Variants in YY1AP1 observed in about 807,000 individuals in gnomAD.
The protein encoded by YY1AP1 is YY1 associated protein 1.
YY1AP1 carries 43 observed loss-of-function variants against 39.9 expected under a neutral mutation model. The observed-to-expected ratio is 1.08, with a 90% CI of 0.84 to 1.39. The LOEUF is 1.39. Ranked by LOEUF, YY1AP1 falls within the 40% of genes most tolerant of loss-of-function variation. The pLI is 0.00. For missense variants in YY1AP1, 813 were observed against 900.7 expected, an observed-to-expected ratio of 0.90 and a Z score of 1.25; for synonymous variants, 292 against 331.3, an observed-to-expected ratio of 0.88 and a Z score of 1.29.
intron 9 of YY1AP1, among the ~76,000 whole-genome samples, chr1:155,662,340 A>G (rs1374263608): frequency 6.6e-6 from 1 of 151,676 alleles, no homozygotes; most frequent in Non-Finnish European, 1.5e-5. Context: ...AAAATACAAA[A>G]ATTAGCTGGG....
In YY1AP1 at chr1:155,688,765, C is replaced by G; in HGVS notation, c.-258G>C. 2 of 1,529,116 alleles carry G rather than the reference C, an allele frequency of 1.3e-6. No homozygotes were observed. The highest frequency in any genetic ancestry group is 1.8e-6 in the Non-Finnish European group (2 of 1,142,100). The allele number at this position is 1,529,116 out of a possible 1,614,324, so 94.7% of individuals were successfully genotyped here. ...CGCCAAAGCAGCCGCCGCCAGCACCCCCACCCTACACTCCTCGCGCGTGCG... is the reference window on the plus strand; with the variant it reads ...CGCCAAAGCAGCCGCCGCCAGCACCGCCACCCTACACTCCTCGCGCGTGCG... On this transcript the variant is annotated 5_prime_UTR_variant, in exon 1 of 11. Transcript: ENST00000355499.
intron 2 of YY1AP1, among the ~76,000 whole-genome samples, chr1:155,684,533 T>A (rs1651951095): frequency 6.6e-6 from 1 of 151,926 alleles, no homozygotes; most frequent in African/African-American, 2.4e-5. Context: ...CTGAATCCTA[T>A]AATCTGTCCT....
chr1:155,664,048 C>T, intron 9 of YY1AP1, among the ~76,000 whole-genome samples: 1 of 148,822 alleles, frequency 6.7e-6, no homozygotes, highest in East Asian at 2.0e-4. Flanking sequence ...CATAGTGGTG[C>T]ACACCGGGTT....
chr1:155,664,931 G>T (rs556812776), intron 9 of YY1AP1, among the ~76,000 whole-genome samples: 1 of 151,582 alleles, frequency 6.6e-6, no homozygotes, highest in South Asian at 2.1e-4. Context: ...CACCACACCC[G>T]GCTAATTTTT....
Position 155,688,248 on chromosome 1 carries a change from G to A in YY1AP1, c.-151-47C>T, listed in dbSNP as rs1309640231. On this transcript the variant is annotated intron_variant, in intron 1 of 10. Coordinates refer to ENST00000355499, the MANE Select transcript of YY1AP1 (RefSeq NM_139119.3). ...AGAAGGGAAAGGTGGAGGGCTAAAG[G>A]GGCAAACTGAGAGGAGGCGGATCCC... The A allele has an allele frequency of 5.6e-6, 9 of 1,609,066 alleles. No homozygotes were observed. The Admixed American group carries it at 8.5e-5, about 15-fold the overall frequency.
At chr1:155,685,404 C>T (rs1344660435) in intron 2 of YY1AP1, among the ~76,000 whole-genome samples, 1 of 152,176 alleles carries the variant, frequency 6.6e-6, no homozygotes, top group African/African-American at 2.4e-5. Context: ...ATAGGATTAA[C>T]TCAGTGTTTG....
intron 7 of YY1AP1, chr1:155,670,777 C>A (rs1231979756): frequency 1.0e-5 from 3 of 296,560 alleles, no homozygotes; most frequent in African/African-American, 2.2e-5. Flanking sequence ...CGGGTTCAGG[C>A]CATTCTCCTG....
Position 155,675,024 on chromosome 1 carries a change from T to G in YY1AP1, c.397A>C (p.Thr133Pro). The G allele has an allele frequency of 7.4e-6, 12 of 1,613,552 alleles. No individual in the cohort carries two copies. Among genetic ancestry groups the G allele is most frequent in the Non-Finnish European group, 1.0e-5 (12 of 1,179,566 alleles). The change falls in exon 6 of 11, where the codon ACC (threonine) becomes CCC (proline). Residue 133 changes from threonine (T) to proline (P), a missense_variant. This residue lies in a region of YY1AP1 where 196 missense variants were observed against 189.7 expected (regional missense o/e 1.03). Transcript: ENST00000355499. Reference sequence around the variant, plus strand: ...TGGAAACTTACAAGACATATCCTGGTGCTACTGGCCTCCGGATTGAGATTG... The same window carrying G: ...TGGAAACTTACAAGACATATCCTGGGGCTACTGGCCTCCGGATTGAGATTG... ...NPNLNPEASS[T>P]RICLKELGTF... is the part of the protein sequence containing the mutation.
At chr1:155,670,629 AAC>A in intron 7 of YY1AP1, 165 bp from the exon 8 acceptor site, 1 of 670,474 alleles carries the variant, frequency 1.5e-6, no homozygotes, top group Non-Finnish European at 2.5e-6. Context: ...TTCCTCAACT[AAC>A]ATTAGGTCTA....
chr1:155,688,468 G>C, intron 1 of YY1AP1, 191 bp downstream of exon 1: 1 of 1,549,784 alleles, frequency 6.5e-7, no homozygotes, highest in Non-Finnish European at 8.7e-7. Flanking sequence ...CGGCCATGTA[G>C]CGCGCACGTC....
intron 2 of YY1AP1, among the ~76,000 whole-genome samples, chr1:155,686,436 T>A (rs1198446357): frequency 3.3e-5 from 5 of 152,108 alleles, no homozygotes; most frequent in Admixed American, 1.3e-4. Context: ...CAATTACCAG[T>A]ACCCAAAAAC....
At chr1:155,685,108 A>G (rs1652034281) in intron 2 of YY1AP1, among the ~76,000 whole-genome samples, 1 of 152,358 alleles carries the variant, frequency 6.6e-6, no homozygotes, top group Non-Finnish European at 1.5e-5. Flanking sequence ...TCAAACCAAC[A>G]GTTCCTTTAT....
intron 5 of YY1AP1, 89 bp from the exon 6 acceptor site, chr1:155,675,185 G>GAGCAAGACCCTGTCTCCA: frequency 1.6e-6 from 2 of 1,248,092 alleles, no homozygotes; most frequent in Non-Finnish European, 2.3e-6. Context: ...CCTGGAGACA[G>GAGCAAGACCCTGTCTCCA]GGTCTTGCTC....
intron 6 of YY1AP1, 66 bp downstream of exon 6, chr1:155,674,944 G>A (rs1650422516): frequency 2.8e-6 from 4 of 1,431,246 alleles, no homozygotes; most frequent in Non-Finnish European, 3.9e-6. Context: ...GAATAACTGT[G>A]AGAAATAACC....
rs61817761 is a variant in YY1AP1, at chr1:155,688,145, C to T, written c.-95G>A. 26,016 of 1,613,624 alleles carry T rather than the reference C, an allele frequency of 0.016. 264 individuals are homozygous for T. The highest frequency in any genetic ancestry group is 0.02 in the Non-Finnish European group (23,789 of 1,179,708). ...GGTGGCCGCCAGGCTCCTCCGCTTC[C>T]CTGGGTCCACCGCGGATCCCTCCCG... On this transcript the variant is annotated 5_prime_UTR_variant, in exon 2 of 11. Coordinates refer to ENST00000355499, the MANE Select transcript of YY1AP1 (RefSeq NM_139119.3).
chr1:155,662,576 C>T (rs375552952), intron 9 of YY1AP1, among the ~76,000 whole-genome samples: 4 of 151,622 alleles, frequency 2.6e-5, no homozygotes, highest in African/African-American at 7.3e-5. Flanking sequence ...ACATGATGAA[C>T]ATAAGATGTT....
In YY1AP1 at chr1:155,659,857, C is replaced by G; in HGVS notation, c.2053G>C (p.Asp685His). The change falls in exon 11 of 11, where the codon GAT becomes CAT. Residue 685 changes from aspartate (D) to histidine (H), a missense_variant. Asp to His is a moderately conservative substitution (Grantham distance 81). This residue lies in a region of YY1AP1 where 586 missense variants were observed against 647.4 expected (regional missense o/e 0.91). Transcript: ENST00000355499. ...VEHSPGPPPV[D>H]KQCQEGLSEN... ...GACAATCCTTCTTGGCACTGTTTAT[C>G]GACTGGTGGAGGCCCTGGGCTATGT... is the stretch of plus-strand genomic sequence containing the variant. The G allele has an allele frequency of 6.2e-7, 1 of 1,614,198 alleles. No individual in the cohort carries two copies. The highest frequency in any genetic ancestry group is 8.5e-7 in the Non-Finnish European group (1 of 1,180,038).
At chr1:155,665,861 G>C (rs1329241668) in intron 9 of YY1AP1, among the ~76,000 whole-genome samples, 1 of 150,384 alleles carries the variant, frequency 6.6e-6, no homozygotes, top group East Asian at 1.9e-4. Context: ...ATCTAACACA[G>C]TATGAGGCAA....
At chr1:155,676,508 T>C in intron 5 of YY1AP1, 40 bp downstream of exon 5, 6 of 1,611,462 alleles carry the variant, frequency 3.7e-6, no homozygotes, top group Non-Finnish European at 5.1e-6. Context: ...AGTTAGGCCT[T>C]GGTATAATTC....
Sources: allele counts gnomAD v4.1 joint callset (sites outside exome capture counted in the v4.1 genomes callset), GRCh38; gene constraint gnomAD v4.1.1; regional missense constraint gnomAD v4.1.1; transcripts MANE v1.5; gene names NCBI Gene and HGNC (gene_info 2026-07-23, HGNC 2026-07-21).